Variants in DENND5B observed in about 807,000 individuals in gnomAD.
DENND5B encodes DENN domain-containing protein 5B.
DENND5B carries 34 observed loss-of-function variants against 140.6 expected under a neutral mutation model. The observed-to-expected ratio is 0.24, with a 90% CI of 0.18 to 0.32. The LOEUF (loss-of-function observed/expected upper bound fraction) is 0.32. Among genes scored for constraint, DENND5B ranks in the 10% least tolerant of loss-of-function variants. The probability of loss-of-function intolerance (pLI) is 1.00; values close to 1 mark genes in which losing one functional copy is unlikely to be tolerated. For missense variants in DENND5B, 1,142 were observed against 1,560.2 expected (o/e 0.73, Z 4.52); for synonymous variants, 551 against 562.1 (o/e 0.98, Z 0.28).
Position 31,568,921 on chromosome 12 carries a change from C to T in DENND5B, c.127+21785G>A, listed in dbSNP as rs143472472. On this transcript the variant is annotated intron_variant, in intron 1 of 20. Coordinates refer to ENST00000389082, the MANE Select transcript of DENND5B (RefSeq NM_144973.4). ...ATGTTGAAGTGGGCTAATCTATATT[C>T]CTCTTTGTTTTTGAGACAAGGGTCT... 3.5e-4 allele frequency among the ~76,000 whole-genome samples: 53 copies of T among 152,126 alleles called. No homozygotes were observed. The East Asian group carries it at 7.5e-3, about 22-fold the overall frequency.
At chr12:31,416,992 G>A (rs1942779118) in intron 11 of DENND5B, among the ~76,000 whole-genome samples, 1 of 144,892 alleles carries the variant, frequency 6.9e-6, no homozygotes, top group Non-Finnish European at 1.5e-5. Flanking sequence ...TTGGGAGGCT[G>A]AGGTTGGGAG....
chr12:31,437,839 T>C (rs190127866), intron 7 of DENND5B, among the ~76,000 whole-genome samples: 2 of 152,346 alleles, frequency 1.3e-5, no homozygotes, highest in African/African-American at 4.8e-5. Flanking sequence ...ACATTTTAAT[T>C]TTGTTTCAAA....
chr12:31,410,303 A>G (rs79949482), intron 13 of DENND5B, among the ~76,000 whole-genome samples: 1,727 of 152,322 alleles, frequency 0.011, 19 homozygotes, highest in East Asian at 0.031. Context: ...ATTTCATTAA[A>G]CACTTACATT....
chr12:31,590,448 T>C (rs112357978), intron 1 of DENND5B: 44,867 of 309,406 alleles, frequency 0.15, 3,801 homozygotes, highest in Non-Finnish European at 0.18. Context: ...TCCGTGCCCT[T>C]GGGGCCACCC....
Position 31,452,066 on chromosome 12 carries a change from C to A in DENND5B, c.1503G>T (p.Gln501His). The stretch of plus-strand genomic sequence containing the variant: ...AACGGTTAGCAAAGACCTCTCGGAG[C>A]TGTACATTGAGCTGGTAGTCCCTTA... ...AELRDYQLNV[Q>H]LREVFANRFT... Residue 501 changes from glutamine to histidine, a missense_variant, in exon 5 of 21, where the codon CAG (glutamine) becomes CAT (histidine). Physicochemically the swap from Gln to His is conservative, Grantham distance 24 (BLOSUM62 0). Around this residue, in one of 5 missense-constraint regions of DENND5B, gnomAD observed 708 missense variants for 905.5 expected, o/e 0.78. Transcript: ENST00000389082. 1 of 1,613,988 alleles carries A rather than the reference C, an allele frequency of 6.2e-7. No homozygotes were observed. The highest frequency in any genetic ancestry group is 1.1e-5 in the South Asian group (1 of 91,070).
At chr12:31,558,962 A>G (rs987083009) in intron 1 of DENND5B, among the ~76,000 whole-genome samples, 2 of 152,216 alleles carry the variant, frequency 1.3e-5, no homozygotes, top group Non-Finnish European at 2.9e-5. Flanking sequence ...TTTTTGTAAT[A>G]CGAAAAGAAA....
At chr12:31,392,929 A>G (rs1176805506) in intron 17 of DENND5B, among the ~76,000 whole-genome samples, 2 of 152,246 alleles carry the variant, frequency 1.3e-5, no homozygotes, top group African/African-American at 2.4e-5. Context: ...ACCATCTGCA[A>G]TCTATAACCC....
chr12:31,449,731 G>GTT (rs771712867), intron 5 of DENND5B, among the ~76,000 whole-genome samples: 9 of 89,948 alleles, frequency 1.0e-4, no homozygotes, highest in East Asian at 7.9e-4. Context: ...ACACAGATTA[G>GTT]TTTTTTTTTT....
intron 1 of DENND5B, 38 bp from the exon 2 acceptor site, chr12:31,495,957 T>C (rs1288692888): frequency 7.1e-7 from 1 of 1,399,512 alleles, no homozygotes; most frequent in Non-Finnish European, 9.8e-7. Flanking sequence ...CTAGAACTTT[T>C]CCAAAAGCAT....
chr12:31,515,489 A>C (rs1591963181), intron 1 of DENND5B, among the ~76,000 whole-genome samples: 1 of 152,262 alleles, frequency 6.6e-6, no homozygotes, highest in East Asian at 1.9e-4. Flanking sequence ...CATTCCACAT[A>C]CTTATAGTTT....
intron 1 of DENND5B, among the ~76,000 whole-genome samples, chr12:31,583,443 G>C (rs972791426): frequency 6.6e-6 from 1 of 151,968 alleles, no homozygotes; most frequent in African/African-American, 2.4e-5. Flanking sequence ...TTGGGAGGCC[G>C]AGGCAGGAGG....
chr12:31,388,983 G>T (rs1004132741), intron 20 of DENND5B, among the ~76,000 whole-genome samples: 1 of 152,162 alleles, frequency 6.6e-6, no homozygotes, highest in Non-Finnish European at 1.5e-5. Flanking sequence ...ACCTGGCTCT[G>T]TCTCATTTTT....
At chr12:31,573,169 A>G (rs1206780567) in intron 1 of DENND5B, among the ~76,000 whole-genome samples, 6 of 152,240 alleles carry the variant, frequency 3.9e-5, no homozygotes, top group Non-Finnish European at 8.8e-5. Flanking sequence ...ACTGTATCTC[A>G]TTAGTTCAGA....
intron 1 of DENND5B, among the ~76,000 whole-genome samples, chr12:31,563,747 T>A (rs892407359): frequency 2.0e-5 from 3 of 152,216 alleles, no homozygotes; most frequent in East Asian, 1.9e-4. Context: ...ATAAGAAACA[T>A]GCAAATGCCT....
At position 31,514,107 on chromosome 12, in the gene DENND5B, A is replaced by G. The variant is rs1034350506; in HGVS notation, c.128-18188T>C. Among the ~76,000 whole-genome samples the G allele has an allele frequency of 7.2e-5, 11 of 152,248 alleles. No individual in the cohort carries two copies. The South Asian group carries it at 1.2e-3, about 17-fold the overall frequency. On this transcript the variant is annotated intron_variant, in intron 1 of 20. Transcript: ENST00000389082. ...GCAATCCTCCCACCTCAGCCTCACA[A>G]AGTGCTGTGATTACAGGTATGAGCC...
chr12:31,425,807 G>A (rs1479237164), intron 9 of DENND5B, among the ~76,000 whole-genome samples: 2 of 152,182 alleles, frequency 1.3e-5, no homozygotes, highest in African/African-American at 4.8e-5. Context: ...TTTAAGTTTT[G>A]TCAATTTGTA....
intron 1 of DENND5B, among the ~76,000 whole-genome samples, chr12:31,523,583 T>C (rs562043475): frequency 1.5e-3 from 233 of 152,156 alleles, no homozygotes; most frequent in African/African-American, 5.1e-3. Context: ...TGTTTTGACA[T>C]TATCCTAAAA....
chr12:31,517,126 T>C (rs1305122244), intron 1 of DENND5B, among the ~76,000 whole-genome samples: 2 of 152,058 alleles, frequency 1.3e-5, no homozygotes, highest in Admixed American at 6.6e-5. Flanking sequence ...AAATAAAAAC[T>C]TTAGATAAAT....
chr12:31,421,483 AACTTATT>A (rs1249613971), intron 11 of DENND5B, among the ~76,000 whole-genome samples: 1 of 152,230 alleles, frequency 6.6e-6, no homozygotes, highest in Non-Finnish European at 1.5e-5. Flanking sequence ...GCATAATTAC[AACTTATT>A]ACTTAAGAAT....
Sources: allele counts gnomAD v4.1 joint callset (sites outside exome capture counted in the v4.1 genomes callset), GRCh38; gene constraint gnomAD v4.1.1; regional missense constraint gnomAD v4.1.1; transcripts MANE v1.5; gene names NCBI Gene and HGNC (gene_info 2026-07-23, HGNC 2026-07-21).